Variants in SPATA17 observed in about 807,000 individuals in gnomAD.
SPATA17 encodes the protein spermatogenesis associated 17.
SPATA17 carries 53 observed loss-of-function variants against 62.2 expected under a neutral mutation model. The observed-to-expected ratio is 0.85, with a 90% CI of 0.68 to 1.07. SPATA17 has a LOEUF of 1.07. Ranked by LOEUF, SPATA17 falls within the 50% of genes least tolerant of loss-of-function variation. SPATA17 has a pLI of 0.00. For synonymous variants in SPATA17, 146 were observed against 146.8 expected, an observed-to-expected ratio of 0.99 and a Z score of 0.04; for missense variants, 466 against 425.5, an observed-to-expected ratio of 1.10 and a Z score of -0.84.
chr1:217,797,204 C>T (rs1674170551), intron 8 of SPATA17, among the ~76,000 whole-genome samples: 2 of 152,048 alleles, frequency 1.3e-5, no homozygotes, highest in South Asian at 4.2e-4. Flanking sequence ...TATAACTCAG[C>T]CCCTCAGCCC....
chr1:217,651,576 A>G (rs551592316), intron 3 of SPATA17, among the ~76,000 whole-genome samples: 1 of 152,186 alleles, frequency 6.6e-6, no homozygotes, highest in Non-Finnish European at 1.5e-5. Context: ...ATATCCTCAT[A>G]AGGACGCTAA....
chr1:217,743,052 T>C (rs2102948930), intron 6 of SPATA17, among the ~76,000 whole-genome samples: 1 of 152,016 alleles, frequency 6.6e-6, no homozygotes, highest in Admixed American at 6.5e-5. Flanking sequence ...ATACCAATAC[T>C]TTTTAATCAT....
intron 8 of SPATA17, among the ~76,000 whole-genome samples, chr1:217,794,115 CAAA>C (rs376080845): frequency 9.1e-5 from 5 of 54,724 alleles, no homozygotes; most frequent in Non-Finnish European, 7.5e-5. Context: ...GACTCCGTCA[CAAA>C]AAAAAAAAAA....
intron 5 of SPATA17, among the ~76,000 whole-genome samples, chr1:217,727,602 T>C (rs538903500): frequency 1.3e-5 from 2 of 152,254 alleles, no homozygotes; most frequent in South Asian, 4.1e-4. Context: ...AATATTTGAA[T>C]AGTTAAAGAG....
At chr1:217,815,890 A>T (rs2102994283) in intron 9 of SPATA17, among the ~76,000 whole-genome samples, 1 of 152,258 alleles carries the variant, frequency 6.6e-6, no homozygotes, top group Non-Finnish European at 1.5e-5. Flanking sequence ...CCTTCCCCCA[A>T]CATCTATCTC....
intron 4 of SPATA17, among the ~76,000 whole-genome samples, chr1:217,677,543 A>C (rs1220445065): frequency 6.6e-6 from 1 of 152,078 alleles, no homozygotes; most frequent in Non-Finnish European, 1.5e-5. Flanking sequence ...TGTTCTGGGC[A>C]TACAGAATGA....
chr1:217,725,959 A>AT (rs1672249599), intron 5 of SPATA17, among the ~76,000 whole-genome samples: 1 of 151,810 alleles, frequency 6.6e-6, no homozygotes, highest in African/African-American at 2.4e-5. Flanking sequence ...GAAATATTGT[A>AT]TTTTTCTGTT....
intron 8 of SPATA17, among the ~76,000 whole-genome samples, chr1:217,796,378 A>G (rs1674152404): frequency 6.6e-6 from 1 of 152,132 alleles, no homozygotes; most frequent in Non-Finnish European, 1.5e-5. Flanking sequence ...ATTGTTAATA[A>G]TAATAATAAT....
At chr1:217,859,923 T>C (rs1294627387) in intron 9 of SPATA17, among the ~76,000 whole-genome samples, 3 of 152,130 alleles carry the variant, frequency 2.0e-5, no homozygotes, top group Non-Finnish European at 4.4e-5. Context: ...GATTTTATTA[T>C]TTCTTTGCTT....
chr1:217,751,339 G>A (rs748919218), intron 6 of SPATA17, among the ~76,000 whole-genome samples: 2 of 151,854 alleles, frequency 1.3e-5, no homozygotes, highest in Non-Finnish European at 2.9e-5. Flanking sequence ...TTTCCCTTTG[G>A]ACACTTGGCA....
chr1:217,839,998 T>C (rs1675354238), intron 9 of SPATA17, among the ~76,000 whole-genome samples: 1 of 138,836 alleles, frequency 7.2e-6, no homozygotes, highest in Non-Finnish European at 1.7e-5. Context: ...TTTAAAGGTT[T>C]AATCTTGTCG....
intron 1 of SPATA17, among the ~76,000 whole-genome samples, chr1:217,646,567 T>C (rs1433911428): frequency 2.6e-5 from 4 of 152,098 alleles, no homozygotes; most frequent in African/African-American, 7.2e-5. Context: ...TTTCATTTCT[T>C]ACTCTCTTCC....
intron 9 of SPATA17, among the ~76,000 whole-genome samples, chr1:217,825,302 T>C (rs1392779798): frequency 6.6e-6 from 1 of 151,780 alleles, no homozygotes; most frequent in Admixed American, 6.6e-5. Context: ...TAAATAGAAA[T>C]ATATTAAAAG....
intron 9 of SPATA17, chr1:217,850,624 A>G: frequency 6.3e-7 from 1 of 1,593,116 alleles, no homozygotes; most frequent in Non-Finnish European, 8.6e-7. Flanking sequence ...GTCTTCACGA[A>G]GATCTGCATT....
chr1:217,818,567 G>A (rs956423225), intron 9 of SPATA17, among the ~76,000 whole-genome samples: 1 of 151,832 alleles, frequency 6.6e-6, no homozygotes, highest in Admixed American at 6.6e-5. Context: ...AAAAATTACA[G>A]TAAAAATACA....
intron 6 of SPATA17, among the ~76,000 whole-genome samples, chr1:217,753,104 G>T (rs140267450): frequency 6.6e-6 from 1 of 152,232 alleles, no homozygotes; most frequent in East Asian, 1.9e-4. Context: ...AGAGACAGTG[G>T]CATTCACTGA....
At chr1:217,721,325 C>A (rs1672122407) in intron 5 of SPATA17, among the ~76,000 whole-genome samples, 1 of 152,130 alleles carries the variant, frequency 6.6e-6, no homozygotes, top group Non-Finnish European at 1.5e-5. Flanking sequence ...ACTGGTGGCT[C>A]TAAGGCTTAA....
At position 217,825,511 on chromosome 1, in the gene SPATA17, A is replaced by G. The variant is rs531237255; in HGVS notation, c.1005+23661A>G. On this transcript the variant is annotated intron_variant, in intron 9 of 10. Transcript: ENST00000366933. ...TTTGCCACAATTTATCAATTTTACT[A>G]AAGATTAATCTGGTTTGGTAATCAG... is the stretch of plus-strand genomic sequence containing the variant. Among the ~76,000 whole-genome samples the G allele has an allele frequency of 3.9e-5, 6 of 152,056 alleles. No individual in the cohort carries two copies. The South Asian group carries it at 1.0e-3, about 26-fold the overall frequency.
At chr1:217,632,696 C>A (rs1669835486) in intron 1 of SPATA17, among the ~76,000 whole-genome samples, 1 of 152,150 alleles carries the variant, frequency 6.6e-6, no homozygotes, top group South Asian at 2.1e-4. Flanking sequence ...AATAGTAACA[C>A]AATAATTGTT....
Sources: allele counts gnomAD v4.1 joint callset (sites outside exome capture counted in the v4.1 genomes callset), GRCh38; gene constraint gnomAD v4.1.1; transcripts MANE v1.5; gene names NCBI Gene and HGNC (gene_info 2026-07-23, HGNC 2026-07-21).